Variants in ADGRA2 observed in about 807,000 individuals in gnomAD.
ADGRA2 encodes G-protein coupled receptor 124.
Under a neutral mutation model 98.7 loss-of-function variants are expected in ADGRA2, and 61 were observed. The ratio of observed to expected loss-of-function variants is 0.62; its 90% CI spans 0.50 to 0.76. The LOEUF is 0.76. ADGRA2 is among the 30% of genes least tolerant of loss of function. The pLI, the probability that ADGRA2 is intolerant of heterozygous loss-of-function variation, is 0.00. For synonymous variants in ADGRA2, 858 were observed against 831.5 expected (o/e 1.03, Z -0.55); for missense variants, 1,712 against 1,860.0 (o/e 0.92, Z 1.46).
intron 1 of ADGRA2, among the ~76,000 whole-genome samples, chr8:37,803,761 G>A (rs1804573770): frequency 6.6e-6 from 1 of 152,134 alleles, no homozygotes; most frequent in African/African-American, 2.4e-5. Flanking sequence ...ATGGGGCCAG[G>A]TGAGGCACGG....
Position 37,797,494 on chromosome 8 carries a change from C to T in ADGRA2, c.226C>T (p.Pro76Ser), listed in dbSNP as rs780390532. 8.5e-6 allele frequency: 12 copies of T among 1,404,234 alleles called. No individual in the cohort carries two copies. The highest frequency in any genetic ancestry group is 1.5e-5 in the African/African-American group (1 of 67,406). The allele number at this position is 1,404,234 out of a possible 1,614,324, so 87.0% of individuals were successfully genotyped here. ...VVCSGGDLPEPPEPGLLPNGT... is the reference protein window; with the variant it reads ...VVCSGGDLPESPEPGLLPNGT... ...GTGCAGCGGCGGGGACCTCCCGGAG[C>T]CTCCCGAGCCCGGCCTTCTGCCTAA... Residue 76 changes from proline to serine, a missense_variant, in exon 1 of 19, where the codon CCT (proline) becomes TCT (serine). Pro to Ser is a moderately conservative substitution (Grantham distance 74). Transcript: ENST00000412232. This position sits in a 1 kb window ranked among gnomAD's most constrained non-coding sequence, Gnocchi z 5.3.
At position 37,834,702 on chromosome 8, in the gene ADGRA2, T is replaced by C. The variant is rs1805556654; in HGVS notation, c.1609-472T>C. ...CAAGGCCAGGAGTTGGAGACCAGCC[T>C]GGGCAACAGAGAGACCTGGTCTCCA... On this transcript the variant is annotated intron_variant, in intron 11 of 18. Transcript: ENST00000412232. This position sits in a 1 kb window ranked among gnomAD's most constrained non-coding sequence, Gnocchi z 4.2. Among the ~76,000 whole-genome samples the C allele has an allele frequency of 6.6e-6, 1 of 152,042 alleles. No homozygotes were observed. The highest frequency in any genetic ancestry group is 2.1e-4 in the South Asian group (1 of 4,824).
chr8:37,812,694 T>A (rs1002201202), intron 1 of ADGRA2, among the ~76,000 whole-genome samples: 1 of 151,092 alleles, frequency 6.6e-6, no homozygotes, highest in African/African-American at 2.4e-5. Flanking sequence ...TGAGACTAGG[T>A]CTCACTCTTG....
rs1805835860 is a variant in ADGRA2, at chr8:37,842,412, C to A, written c.*57C>A. On this transcript the variant is annotated 3_prime_UTR_variant, in exon 19 of 19. Transcript: ENST00000412232. ...CCACGCGGCTCGTTCCCCCGCTCCT[C>A]GGGGCCCTCCAAGGTGTCTCCGTAG... The A allele has an allele frequency of 1.4e-6, 2 of 1,414,898 alleles. No homozygotes were observed. The highest frequency in any genetic ancestry group is 2.8e-5 in the East Asian group (1 of 35,370). 87.6% of individuals were successfully genotyped at this position (1,414,898 alleles called of 1,614,324 possible). A position where few individuals can be genotyped will look rare whatever the true frequency, so the allele number is the denominator to read the frequency against.
intron 1 of ADGRA2, among the ~76,000 whole-genome samples, chr8:37,798,119 C>T (rs1804393520): frequency 6.6e-6 from 1 of 151,136 alleles, no homozygotes. Context: ...CCTTGGAATA[C>T]CGGCGCTCCT....
intron 1 of ADGRA2, among the ~76,000 whole-genome samples, chr8:37,809,335 G>A (rs894710057): frequency 2.7e-5 from 4 of 150,052 alleles, no homozygotes; most frequent in African/African-American, 9.8e-5. Flanking sequence ...TGCACTATCT[G>A]TCTAAAACTG....
chr8:37,841,718 A>G lies in ADGRA2; in HGVS notation c.3380A>G (p.His1127Arg), dbSNP rs1242162355. ...TCCTCCCCAAGCGGCAGCAGCGGCC[A>G]TCCGCTGGCTCTGGGCCCCTGCAAG... ...LKSSPSGSSGHPLALGPCKLT... is the reference protein window; with the variant it reads ...LKSSPSGSSGRPLALGPCKLT... Residue 1127 changes from histidine to arginine, a missense_variant, in exon 19 of 19, where the codon CAT (histidine) becomes CGT (arginine). Coordinates refer to ENST00000412232, the MANE Select transcript of ADGRA2 (RefSeq NM_032777.10). This position sits in a 1 kb window ranked among gnomAD's most constrained non-coding sequence, Gnocchi z 5.0. The G allele has an allele frequency of 6.5e-7, 1 of 1,542,188 alleles. No individual in the cohort carries two copies. Among genetic ancestry groups the G allele is most frequent in the Non-Finnish European group, 8.7e-7 (1 of 1,144,192 alleles).
At chr8:37,831,397 G>T in intron 7 of ADGRA2, 26 bp from the exon 8 acceptor site, 1 of 1,604,634 alleles carries the variant, frequency 6.2e-7, no homozygotes, top group South Asian at 1.1e-5. Context: ...GGTGACTCAC[G>T]AGCCAGCTCC....
Position 37,830,111 on chromosome 8 carries a change from T to TA in ADGRA2, c.718+98dup, listed in dbSNP as rs1805411114. The stretch of plus-strand genomic sequence containing the variant: ...GCCTCCCCTCAGACCCACAGGTTTT[T>TA]ACCTTTGTATTGCAATTTGCAAAAG... On this transcript the variant is annotated intron_variant, in intron 6 of 18. Transcript: ENST00000412232. This position sits in a 1 kb window ranked among gnomAD's most constrained non-coding sequence, Gnocchi z 4.8. 1 of 771,746 alleles carries TA rather than the reference T, an allele frequency of 1.3e-6. No homozygotes were observed. The highest frequency in any genetic ancestry group is 2.8e-5 in the East Asian group (1 of 35,592). 47.8% of individuals were successfully genotyped at this position (771,746 alleles called of 1,614,324 possible). A position where few individuals can be genotyped will look rare whatever the true frequency, so the allele number is the denominator to read the frequency against.
intron 1 of ADGRA2, among the ~76,000 whole-genome samples, chr8:37,800,395 C>T (rs79138506): frequency 2.0e-5 from 3 of 152,152 alleles, no homozygotes; most frequent in African/African-American, 4.8e-5. Context: ...CAGAGCTCTC[C>T]GAGTAGATGA....
chr8:37,815,870 A>G (rs982903564), intron 2 of ADGRA2, among the ~76,000 whole-genome samples: 6 of 152,124 alleles, frequency 3.9e-5, no homozygotes, highest in Non-Finnish European at 7.4e-5. Flanking sequence ...CCACAGAGGA[A>G]GCCTGGGCCT....
Position 37,840,808 on chromosome 8 carries a change from A to T in ADGRA2, c.2706A>T (p.Thr902=), listed in dbSNP as rs146885071. Residue 902 remains threonine, a synonymous_variant, in exon 18 of 19, where the codon ACA becomes ACT. Transcript: ENST00000412232. Reference sequence around the variant, plus strand: ...TTCCACTCATTATCTGTGGCATCACAGCTGCAGTCAACATCCACAACTACC... The same window carrying T: ...TTCCACTCATTATCTGTGGCATCACTGCTGCAGTCAACATCCACAACTACC... ...GGIPLIICGI[T]AAVNIHNYRD... 266 of 1,610,522 alleles carry T rather than the reference A, an allele frequency of 1.7e-4. 1 individual carries two copies. In the African/African-American group the frequency reaches 2.4e-3, roughly 15 times the overall value.
intron 16 of ADGRA2, 105 bp downstream of exon 16, chr8:37,839,727 C>T: frequency 7.0e-7 from 1 of 1,420,142 alleles, no homozygotes; most frequent in Non-Finnish European, 9.6e-7. Flanking sequence ...TGCTCATAGG[C>T]CGTGGCTCCA....
rs761168688 is a variant in ADGRA2 at position 37,840,234 on chromosome 8, C to A, written c.2625C>A (p.Asp875Glu). Residue 875 changes from aspartate to glutamate, a missense_variant, in exon 17 of 19, where the codon GAC (aspartate) becomes GAA (glutamate). Asp to Glu is a conservative substitution (Grantham distance 45). Coordinates refer to ENST00000412232, the MANE Select transcript of ADGRA2 (RefSeq NM_032777.10). ...TWRAPPPQEGDPALPTPSPML... is the reference protein window; with the variant it reads ...TWRAPPPQEGEPALPTPSPML... ...GGGCACCCCCTCCGCAAGAAGGGGA[C>A]CCCGCTCTGCCTACTCCCAGTCCTA... 8.7e-6 allele frequency: 14 copies of A among 1,612,714 alleles called. No individual in the cohort carries two copies.
intron 1 of ADGRA2, among the ~76,000 whole-genome samples, chr8:37,811,478 T>C (rs1804831379): frequency 6.8e-6 from 1 of 147,756 alleles, no homozygotes; most frequent in African/African-American, 2.5e-5. Flanking sequence ...AGCCAACTTT[T>C]TTTTTTTTTT....
rs1310582215 is a variant in ADGRA2, at chr8:37,828,979, CT to C, written c.410+21del. 6.5e-7 allele frequency: 1 copy of C among 1,531,202 alleles called. No individual in the cohort carries two copies. The highest frequency in any genetic ancestry group is 1.4e-5 in the African/African-American group (1 of 72,568). 94.9% of individuals were successfully genotyped at this position (1,531,202 alleles called of 1,614,324 possible). Reference sequence around the variant, plus strand: ...GCGTTTGTGAGTGGCACGCCCTCCCCTGACCCCACCCCTCCCCTCCCGAGGG... The same window carrying C: ...GCGTTTGTGAGTGGCACGCCCTCCCCGACCCCACCCCTCCCCTCCCGAGGG... On this transcript the variant is annotated intron_variant, in intron 3 of 18. Transcript: ENST00000412232.
At chr8:37,801,129 A>G (rs986477665) in intron 1 of ADGRA2, among the ~76,000 whole-genome samples, 7 of 152,082 alleles carry the variant, frequency 4.6e-5, no homozygotes, top group Admixed American at 2.6e-4. Flanking sequence ...CATTTACCGC[A>G]TGGAAAGCCC....
In ADGRA2 at chr8:37,830,622, C is replaced by T. The variant is rs2130011504; in HGVS notation, c.719-88C>T. The stretch of plus-strand genomic sequence containing the variant: ...CTGCAGGCCGAGGGCCCCGCCCCGC[C>T]CCACCCCATCCTGCTGGACTCTCGC... On this transcript the variant is annotated intron_variant, in intron 6 of 18. Coordinates refer to ENST00000412232, the MANE Select transcript of ADGRA2 (RefSeq NM_032777.10). The surrounding 1 kb of genome is among the most constrained non-coding windows in gnomAD (Gnocchi z 4.8). 1 of 619,598 alleles carries T rather than the reference C, an allele frequency of 1.6e-6. No homozygotes were observed. The highest frequency in any genetic ancestry group is 2.9e-6 in the Non-Finnish European group (1 of 343,478). The allele number at this position is 619,598 out of a possible 1,614,324, so 38.4% of individuals were successfully genotyped here. A position where few individuals can be genotyped will look rare whatever the true frequency, so the allele number is the denominator to read the frequency against.
At position 37,819,660 on chromosome 8, in the gene ADGRA2, G is replaced by A. The variant is rs186937900; in HGVS notation, c.338+4693G>A. ...GCTGGGATTACAGGCATGAGCCATC[G>A]CACCCGGCCTTTTTCTTTTTTCTTT... is the stretch of plus-strand genomic sequence containing the variant. On this transcript the variant is annotated intron_variant, in intron 2 of 18. Coordinates refer to ENST00000412232, the MANE Select transcript of ADGRA2 (RefSeq NM_032777.10). 1.7e-3 allele frequency among the ~76,000 whole-genome samples: 248 copies of A among 141,936 alleles called. 1 individual carries two copies. Among genetic ancestry groups the A allele is most frequent in the Middle Eastern group, 0.015 (3 of 196 alleles). 93.1% of individuals were successfully genotyped at this position (141,936 alleles called of 152,430 possible). A position where few individuals can be genotyped will look rare whatever the true frequency, so the allele number is the denominator to read the frequency against.
Sources: allele counts gnomAD v4.1 joint callset (sites outside exome capture counted in the v4.1 genomes callset), GRCh38; gene constraint gnomAD v4.1.1; non-coding constraint Gnocchi (gnomAD v3.1); transcripts MANE v1.5; gene names NCBI Gene and HGNC (gene_info 2026-07-23, HGNC 2026-07-21).